UBXN2A: variants seen among roughly 807,000 people sequenced by gnomAD.
The protein encoded by UBXN2A is UBX domain-containing protein 2A.
Under a neutral mutation model 28.4 loss-of-function variants are expected in UBXN2A, and 28 were observed. The ratio of observed to expected loss-of-function variants is 0.99; its 90% CI spans 0.73 to 1.35. The LOEUF is 1.35. Ranked by LOEUF, UBXN2A falls within the 40% of genes most tolerant of loss-of-function variation. The pLI, the probability that UBXN2A is intolerant of heterozygous loss-of-function variation, is 0.00. For missense variants in UBXN2A, 253 were observed against 297.9 expected (o/e 0.85, Z 1.11); for synonymous variants, 97 against 103.6 (o/e 0.94, Z 0.39).
rs572618308 is a variant in UBXN2A, at chr2:24,000,228, A to G, written c.*361A>G. ...TCCCAGACAGCAGGGATTTATTTAA[A>G]TGTTAGCTGTCTGAGTTTTTAAATA... On this transcript the variant is annotated 3_prime_UTR_variant, in exon 7 of 7. Transcript: ENST00000309033. 1.2e-5 allele frequency: 2 copies of G among 173,614 alleles called. No homozygotes were observed. Among genetic ancestry groups the G allele is most frequent in the African/African-American group, 2.4e-5 (1 of 42,156 alleles). 10.8% of individuals were successfully genotyped at this position (173,614 alleles called of 1,614,324 possible).
At chr2:23,941,991 T>C (rs752690129) in intron 1 of UBXN2A, among the ~76,000 whole-genome samples, 5 of 152,066 alleles carry the variant, frequency 3.3e-5, no homozygotes, top group Non-Finnish European at 5.9e-5. Context: ...GGCAGGAGAA[T>C]AGCTTGAGCC....
chr2:23,980,973 G>A (rs1451392236), intron 4 of UBXN2A, among the ~76,000 whole-genome samples: 1 of 151,906 alleles, frequency 6.6e-6, no homozygotes, highest in African/African-American at 2.4e-5. Flanking sequence ...TAAGTTGTAA[G>A]AATTCTTCAT....
intron 6 of UBXN2A, among the ~76,000 whole-genome samples, chr2:23,995,607 G>T (rs1708498920): frequency 6.6e-6 from 1 of 151,460 alleles, no homozygotes; most frequent in Non-Finnish European, 1.5e-5. Context: ...GCAGGAGAAT[G>T]GTGTGAACCC....
chr2:23,935,311 T>C (rs187313759), intron 1 of UBXN2A, among the ~76,000 whole-genome samples: 15 of 152,224 alleles, frequency 9.9e-5, no homozygotes, highest in African/African-American at 3.6e-4. Context: ...GAGGAAAGAT[T>C]TGCAAATCAC....
At chr2:23,981,962 A>C (rs893821308) in intron 4 of UBXN2A, among the ~76,000 whole-genome samples, 3 of 152,184 alleles carry the variant, frequency 2.0e-5, no homozygotes, top group African/African-American at 7.2e-5. Context: ...CATTGGAAGA[A>C]GAATGGTCTT....
chr2:23,988,655 T>TGTAA (rs1708225157), intron 6 of UBXN2A, among the ~76,000 whole-genome samples: 1 of 152,222 alleles, frequency 6.6e-6, no homozygotes, highest in Non-Finnish European at 1.5e-5. Context: ...AGTCCTTTAC[T>TGTAA]GTAAAGTTAC....
Position 23,988,078 on chromosome 2 carries a change from G to A in UBXN2A, c.584+3247G>A, listed in dbSNP as rs200384065. ...GCAGAGGTTGTAGTGGGCTGGGATC[G>A]TGCCACTGCAGTCCAGCCAGGGTGA... is the stretch of plus-strand genomic sequence containing the variant. On this transcript the variant is annotated intron_variant, in intron 6 of 6. Coordinates refer to ENST00000309033, the MANE Select transcript of UBXN2A (RefSeq NM_181713.4). Among the ~76,000 whole-genome samples, 11 of 149,882 alleles carry A rather than the reference G, an allele frequency of 7.3e-5. No homozygotes were observed. In the East Asian group the frequency reaches 7.8e-4, roughly 11 times the overall value.
intron 2 of UBXN2A, among the ~76,000 whole-genome samples, chr2:23,963,224 A>G (rs752219700): frequency 6.6e-6 from 1 of 152,058 alleles, no homozygotes; most frequent in Non-Finnish European, 1.5e-5. Context: ...CAATTAAAAA[A>G]TGGAAGAAAA....
chr2:23,956,868 G>C (rs1334182480), intron 1 of UBXN2A, among the ~76,000 whole-genome samples: 1 of 152,126 alleles, frequency 6.6e-6, no homozygotes, highest in African/African-American at 2.4e-5. Flanking sequence ...GCAGACCAGT[G>C]GTTTGGACTA....
chr2:23,983,735 G>C (rs555653709), intron 5 of UBXN2A, among the ~76,000 whole-genome samples: 1 of 152,028 alleles, frequency 6.6e-6, no homozygotes, highest in South Asian at 2.1e-4. Flanking sequence ...GAGTGCAGTG[G>C]CATGATCTTG....
chr2:23,935,384 T>TCAA (rs200742857), intron 1 of UBXN2A, among the ~76,000 whole-genome samples: 18 of 150,542 alleles, frequency 1.2e-4, no homozygotes, highest in South Asian at 4.2e-4. Context: ...CTCCTGTAAC[T>TCAA]CAACAACAAC....
At chr2:23,960,446 A>G (rs1294536582) in intron 2 of UBXN2A, among the ~76,000 whole-genome samples, 1 of 152,122 alleles carries the variant, frequency 6.6e-6, no homozygotes, top group Non-Finnish European at 1.5e-5. Context: ...GGCTTTATTG[A>G]AATATAATTC....
At chr2:23,942,544 C>T (rs1390299436) in intron 1 of UBXN2A, among the ~76,000 whole-genome samples, 2 of 151,408 alleles carry the variant, frequency 1.3e-5, no homozygotes, top group Admixed American at 1.3e-4. Flanking sequence ...CTCAGCCTCC[C>T]GAGTAGCTGG....
At chr2:23,948,238 G>GTTTCTT (rs1346545229) in intron 1 of UBXN2A, among the ~76,000 whole-genome samples, 3 of 147,294 alleles carry the variant, frequency 2.0e-5, no homozygotes, top group Admixed American at 6.8e-5. Context: ...GTCTGAAGAT[G>GTTTCTT]TTTCTTTTTC....
At chr2:23,983,436 G>A (rs1707995292) in intron 5 of UBXN2A, among the ~76,000 whole-genome samples, 1 of 152,114 alleles carries the variant, frequency 6.6e-6, no homozygotes, top group Non-Finnish European at 1.5e-5. Context: ...GAACCTGGGA[G>A]GCAGAGATTG....
intron 1 of UBXN2A, among the ~76,000 whole-genome samples, chr2:23,934,952 G>A (rs1230907259): frequency 1.3e-5 from 2 of 152,096 alleles, no homozygotes; most frequent in Non-Finnish European, 2.9e-5. Flanking sequence ...GTGCATACCT[G>A]TAATCCCAGC....
At chr2:23,996,780 T>TC (rs1414704816) in intron 6 of UBXN2A, 2 of 151,452 alleles carry the variant, frequency 1.3e-5, no homozygotes, top group African/African-American at 4.9e-5. Flanking sequence ...CAGACTTTTT[T>TC]TTTTTTTTTT....
At chr2:23,985,606 T>TTTG (rs1708095260) in intron 6 of UBXN2A, among the ~76,000 whole-genome samples, 1 of 151,176 alleles carries the variant, frequency 6.6e-6, no homozygotes, top group African/African-American at 2.4e-5. Context: ...TAGACAGTTT[T>TTTG]TTTTTTTTTT....
At chr2:23,953,046 A>C (rs1706451696) in intron 1 of UBXN2A, among the ~76,000 whole-genome samples, 1 of 151,818 alleles carries the variant, frequency 6.6e-6, no homozygotes, top group Non-Finnish European at 1.5e-5. Flanking sequence ...ATGTGGATAC[A>C]CATTGCTTTT....
Sources: gnomAD v4.1 joint callset for allele counts (sites outside exome capture counted in the v4.1 genomes callset) on GRCh38, gnomAD v4.1.1 for gene constraint, MANE v1.5 for transcripts, NCBI Gene and HGNC (gene_info 2026-07-23, HGNC 2026-07-21) for gene names.